The following METTL15 variants were observed in gnomAD, a reference collection of about 807,000 sequenced individuals.
The protein encoded by METTL15 is 12S rRNA N(4)-cytidine methyltransferase METTL15.
Under a neutral mutation model 38.3 loss-of-function variants are expected in METTL15, and 34 were observed. That is an observed-to-expected ratio of 0.89 (90% CI 0.68 to 1.18). METTL15 has a LOEUF of 1.18. Among genes scored for constraint, METTL15 ranks in the 50% most tolerant of loss-of-function variants. METTL15 has a pLI of 0.00. For missense variants in METTL15, 438 were observed against 498.4 expected (o/e 0.88, Z 1.15); for synonymous variants, 162 against 170.9 (o/e 0.95, Z 0.41).
intron 3 of METTL15, among the ~76,000 whole-genome samples, chr11:28,155,880 A>G (rs1850246039): frequency 6.6e-6 from 1 of 152,188 alleles, no homozygotes; most frequent in South Asian, 2.1e-4. Context: ...TTTTACTAAG[A>G]ATCTTATAAG....
chr11:28,412,128 T>C (rs576541022), intron 5 of METTL15, among the ~76,000 whole-genome samples: 4 of 152,106 alleles, frequency 2.6e-5, no homozygotes, highest in African/African-American at 9.6e-5. Flanking sequence ...AGGGGAACTG[T>C]AGTATATTGC....
chr11:28,502,316 T>G (rs1340819356), intron 6 of METTL15, among the ~76,000 whole-genome samples: 1 of 152,172 alleles, frequency 6.6e-6, no homozygotes, highest in Non-Finnish European at 1.5e-5. Flanking sequence ...GAGCAAATAT[T>G]GTAGGCTTTA....
At chr11:28,523,317 T>C (rs1432780210) in intron 6 of METTL15, among the ~76,000 whole-genome samples, 1 of 152,224 alleles carries the variant, frequency 6.6e-6, no homozygotes, top group African/African-American at 2.4e-5. Flanking sequence ...GCAAAAATAA[T>C]ATATGTCATT....
rs1042682944 is a variant in METTL15 at position 28,333,275 on chromosome 11, T to A, written c.*2434T>A. 1 of 152,150 alleles carries A rather than the reference T, an allele frequency of 6.6e-6. No homozygotes were observed. Among genetic ancestry groups the A allele is most frequent in the African/African-American group, 2.4e-5 (1 of 41,442 alleles). 9.4% of individuals were successfully genotyped at this position (152,150 alleles called of 1,614,324 possible). A position where few individuals can be genotyped will look rare whatever the true frequency, so the allele number is the denominator to read the frequency against. On this transcript the variant is annotated 3_prime_UTR_variant, in exon 7 of 7. Coordinates refer to ENST00000407364, the MANE Select transcript of METTL15 (RefSeq NM_001113528.2). The stretch of plus-strand genomic sequence containing the variant: ...TCCTTCAATAAACACAAAATTGGTT[T>A]CAAAATGTTTTCATGTAAAAATAAA...
intron 5 of METTL15, among the ~76,000 whole-genome samples, chr11:28,292,133 G>A (rs1248708687): frequency 6.6e-6 from 1 of 151,418 alleles, no homozygotes; most frequent in African/African-American, 2.4e-5. Flanking sequence ...ATGTATACAT[G>A]TGCCATGGTG....
intron 5 of METTL15, among the ~76,000 whole-genome samples, chr11:28,377,010 G>A (rs1850322395): frequency 7.9e-6 from 1 of 125,988 alleles, no homozygotes; most frequent in African/African-American, 2.6e-5. Context: ...TGGCTTGTAG[G>A]GTTTCTGCCG....
chr11:28,235,272 T>A (rs984582661), intron 4 of METTL15, among the ~76,000 whole-genome samples: 2 of 152,236 alleles, frequency 1.3e-5, no homozygotes, highest in South Asian at 4.1e-4. Flanking sequence ...TGGCTTAGGA[T>A]TGACTTGGCG....
chr11:28,295,164 AG>A (rs1259554108), intron 5 of METTL15, among the ~76,000 whole-genome samples: 2 of 152,126 alleles, frequency 1.3e-5, no homozygotes, highest in African/African-American at 4.8e-5. Context: ...GCATGCATTG[AG>A]CATCTTTTAT....
At chr11:28,356,879 G>T (rs1210511152) in intron 4 of METTL15, among the ~76,000 whole-genome samples, 1 of 152,154 alleles carries the variant, frequency 6.6e-6, no homozygotes. Context: ...GCTGAACCAG[G>T]ATGTGCTCCT....
At chr11:28,235,238 G>A (rs567894367) in intron 4 of METTL15, among the ~76,000 whole-genome samples, 1,753 of 152,006 alleles carry the variant, frequency 0.012, 39 homozygotes, top group African/African-American at 0.039. Flanking sequence ...GTCAGGTAGC[G>A]TGATGCCTCC....
downstream of METTL15, among the ~76,000 whole-genome samples, chr11:28,531,036 T>C (rs1851840927): frequency 6.6e-6 from 1 of 152,000 alleles, no homozygotes; most frequent in East Asian, 1.9e-4. Flanking sequence ...ACATACTAAA[T>C]GGCAAATTCA....
intron 5 of METTL15, among the ~76,000 whole-genome samples, chr11:28,396,628 A>G (rs1590360339): frequency 6.6e-6 from 1 of 152,152 alleles, no homozygotes; most frequent in Admixed American, 6.6e-5. Context: ...ATGCTCATGG[A>G]TAGGAAGAAT....
intron 3 of METTL15, among the ~76,000 whole-genome samples, chr11:28,129,515 T>C (rs1852663656): frequency 6.6e-6 from 1 of 152,090 alleles, no homozygotes; most frequent in Non-Finnish European, 1.5e-5. Context: ...GTTCAAGAGA[T>C]TCTCCCTCCT....
chr11:28,314,387 A>G (rs1857408035), intron 6 of METTL15, among the ~76,000 whole-genome samples: 1 of 152,242 alleles, frequency 6.6e-6, no homozygotes, highest in Admixed American at 6.5e-5. Flanking sequence ...AAAAGGCAGC[A>G]CTGTTAATCA....
intron 4 of METTL15, among the ~76,000 whole-genome samples, chr11:28,219,989 T>C (rs1367927471): frequency 6.6e-6 from 1 of 152,202 alleles, no homozygotes; most frequent in Non-Finnish European, 1.5e-5. Flanking sequence ...AACTATGTGG[T>C]CAATTTTGGA....
At chr11:28,160,636 A>G (rs962377724) in intron 3 of METTL15, among the ~76,000 whole-genome samples, 10 of 152,120 alleles carry the variant, frequency 6.6e-5, no homozygotes, top group African/African-American at 2.2e-4. Context: ...TGGAGTTGGT[A>G]TACTTAAATT....
At position 28,384,160 on chromosome 11, in the gene METTL15, A is replaced by G. The variant is rs553854278; in HGVS notation, c.*358+22124A>G. ...AGATATTGTTCATTTTTATGGCTGC[A>G]AAGTATTCCATGGTGTATATATACC... On this transcript the variant is annotated intron_variant and NMD_transcript_variant, in intron 5 of 7. Coordinates refer to the METTL15 transcript ENST00000532947. 5.9e-5 allele frequency among the ~76,000 whole-genome samples: 9 copies of G among 152,282 alleles called. 2 individuals are homozygous for G. The highest frequency in any genetic ancestry group is 2.6e-4 in the Admixed American group (4 of 15,274).
intron 3 of METTL15, among the ~76,000 whole-genome samples, chr11:28,133,909 T>C (rs1849423928): frequency 6.6e-6 from 1 of 152,218 alleles, no homozygotes; most frequent in Non-Finnish European, 1.5e-5. Flanking sequence ...TAATTTTTTA[T>C]GCAGGATACA....
At chr11:28,240,839 AT>A (rs1370982253) in intron 4 of METTL15, among the ~76,000 whole-genome samples, 2 of 152,212 alleles carry the variant, frequency 1.3e-5, no homozygotes, top group African/African-American at 2.4e-5. Context: ...TTTAATAAAG[AT>A]TAAAAAATTG....
Sources: allele counts gnomAD v4.1 joint callset (sites outside exome capture counted in the v4.1 genomes callset), GRCh38; gene constraint gnomAD v4.1.1; transcripts MANE v1.5; gene names NCBI Gene and HGNC (gene_info 2026-07-23, HGNC 2026-07-21).